The following TBC1D1 variants were observed in gnomAD, a reference collection of about 807,000 sequenced individuals.
TBC1D1 encodes TBC1 domain family member 1.
A neutral mutation model predicts 125.6 loss-of-function variants in TBC1D1; 89 were observed. The observed-to-expected ratio is 0.71, with a 90% CI of 0.60 to 0.85. The LOEUF is 0.85. Ranked by LOEUF, TBC1D1 falls within the 40% of genes least tolerant of loss-of-function variation. TBC1D1 has a pLI of 0.00. For synonymous variants in TBC1D1, 565 were observed against 564.1 expected (o/e 1.00, Z -0.02); for missense variants, 1,377 against 1,469.2 (o/e 0.94, Z 1.03).
In TBC1D1 at chr4:37,968,008, G is replaced by A. The variant is rs73810077; in HGVS notation, c.418-46501G>A. Reference sequence around the variant, plus strand: ...ACTGAGCTAAAAATAGAAAAACACCGATTCTATTTTTGGAATGTCTTACAA... The same window carrying A: ...ACTGAGCTAAAAATAGAAAAACACCAATTCTATTTTTGGAATGTCTTACAA... On this transcript the variant is annotated intron_variant, in intron 2 of 19. Transcript: ENST00000261439. 3.4e-3 allele frequency among the ~76,000 whole-genome samples: 516 copies of A among 152,304 alleles called. 2 individuals are homozygous for A. Among genetic ancestry groups the A allele is most frequent in the African/African-American group, 0.012 (492 of 41,558 alleles).
intron 2 of TBC1D1, among the ~76,000 whole-genome samples, chr4:37,936,897 T>C (rs10010758): frequency 0.33 from 49,626 of 152,028 alleles, 8,387 homozygotes; most frequent in African/African-American, 0.4. Flanking sequence ...AATGAACAAA[T>C]TGTAGGTCAG....
chr4:37,903,383 T>C (rs1716573552), intron 2 of TBC1D1, among the ~76,000 whole-genome samples: 1 of 152,200 alleles, frequency 6.6e-6, no homozygotes, highest in African/African-American at 2.4e-5. Flanking sequence ...ACTTTCTCAG[T>C]TGGGCTCAGG....
At chr4:37,892,215 C>T (rs1405578061) in intron 1 of TBC1D1, among the ~76,000 whole-genome samples, 1 of 152,176 alleles carries the variant, frequency 6.6e-6, no homozygotes, top group Non-Finnish European at 1.5e-5. Context: ...AAATAGGTCA[C>T]ACCCAAGAAA....
chr4:38,110,157 A>T, intron 15 of TBC1D1: 1 of 974,784 alleles, frequency 1.0e-6, no homozygotes, highest in Non-Finnish European at 1.2e-6. Flanking sequence ...CCGAGATATC[A>T]GGAGTCTCGC....
intron 2 of TBC1D1, among the ~76,000 whole-genome samples, chr4:37,910,022 G>A (rs1446018101): frequency 6.6e-6 from 1 of 152,198 alleles, no homozygotes; most frequent in East Asian, 1.9e-4. Flanking sequence ...ACACCAGATT[G>A]ATTACCTAAT....
chr4:38,072,399 C>T (rs1173811903), intron 12 of TBC1D1, among the ~76,000 whole-genome samples: 2 of 152,198 alleles, frequency 1.3e-5, no homozygotes, highest in African/African-American at 4.8e-5. Context: ...TCTGTTGCCT[C>T]ATTTTGGCCT....
chr4:38,075,606 T>G (rs1755456303), intron 12 of TBC1D1, among the ~76,000 whole-genome samples: 1 of 152,242 alleles, frequency 6.6e-6, no homozygotes, highest in Non-Finnish European at 1.5e-5. Flanking sequence ...TTCCTAATTT[T>G]TAAGTCATGG....
intron 14 of TBC1D1, 149 bp from the exon 17 acceptor site, chr4:38,102,850 C>T (rs1444558506): frequency 1.2e-6 from 1 of 828,906 alleles, no homozygotes; most frequent in Non-Finnish European, 1.8e-6. Context: ...CTCTGCACTG[C>T]AGCTCGGGTG....
At position 38,103,016 on chromosome 4, in the gene TBC1D1, C is replaced by T. The variant is rs781351109; in HGVS notation, c.2416C>T (p.Arg806Ter). Residue 806 changes from arginine to a stop codon, truncating the protein, a stop_gained, in exon 15 of 20, where the codon CGA (arginine) becomes TGA (stop). Transcript: ENST00000261439. LOFTEE classifies it high-confidence loss of function. ...TTTTAAAGGTGTGCCACGTCATCACCGAGGTGAAATCTGGAAATTTCTAGC... is the reference window on the plus strand; with the variant it reads ...TTTTAAAGGTGTGCCACGTCATCACTGAGGTGAAATCTGGAAATTTCTAGC... 9.3e-6 allele frequency: 15 copies of T among 1,613,830 alleles called. No homozygotes were observed. The highest frequency in any genetic ancestry group is 1.1e-5 in the South Asian group (1 of 91,034).
At chr4:37,984,072 C>T (rs1025777520) in intron 2 of TBC1D1, among the ~76,000 whole-genome samples, 1 of 151,930 alleles carries the variant, frequency 6.6e-6, no homozygotes, top group African/African-American at 2.4e-5. Context: ...TTTAAGTTTC[C>T]TGTGTGCTTT....
At chr4:37,930,933 T>G (rs1723129957) in intron 2 of TBC1D1, among the ~76,000 whole-genome samples, 1 of 152,226 alleles carries the variant, frequency 6.6e-6, no homozygotes, top group African/African-American at 2.4e-5. Context: ...TGGATTATAC[T>G]GTTAGTAATG....
chr4:38,014,723 G>GCCCCCCCCCCCC lies in TBC1D1; in HGVS notation c.637_638insCCCCCCCCCCCC (p.Pro212_Arg213insProProProPro). 3 of 1,600,218 alleles carry GCCCCCCCCCCCC rather than the reference G, an allele frequency of 1.9e-6. No individual in the cohort carries two copies. The highest frequency in any genetic ancestry group is 2.6e-6 in the Non-Finnish European group (3 of 1,169,366). On this transcript the variant is annotated inframe_insertion, in exon 3 of 20. Coordinates refer to ENST00000261439, the MANE Select transcript of TBC1D1 (RefSeq NM_015173.4). The surrounding 1 kb of genome is among the most constrained non-coding windows in gnomAD (Gnocchi z 5.1). ...GTCAGCGGCAGCCGGGGGTCCGAGA[G>GCCCCCCCCCCCC]CCCCCGCCCCAACCCGCCCCATGCC...
intron 7 of TBC1D1, among the ~76,000 whole-genome samples, chr4:38,029,977 T>G (rs977706430): frequency 2.6e-5 from 4 of 152,254 alleles, no homozygotes; most frequent in Non-Finnish European, 1.5e-5. Flanking sequence ...TGATTGTTAA[T>G]GCATTTACAA....
At chr4:38,115,664 C>G in intron 15 of TBC1D1, 46 bp from the exon 18 acceptor site, 2 of 1,568,922 alleles carry the variant, frequency 1.3e-6, no homozygotes, top group South Asian at 2.4e-5. Flanking sequence ...AATAGGCTTT[C>G]TTTTTTTGTT....
chr4:37,901,982 G>T (rs962731271), intron 1 of TBC1D1, 21 bp from the exon 2 acceptor site: 26 of 1,053,038 alleles, frequency 2.5e-5, no homozygotes, highest in Middle Eastern at 2.7e-4. Context: ...AAATTCTAAT[G>T]CCTCTGGTTT....
chr4:38,088,926 C>G (rs991162776), intron 12 of TBC1D1, among the ~76,000 whole-genome samples: 1 of 152,124 alleles, frequency 6.6e-6, no homozygotes, highest in Non-Finnish European at 1.5e-5. Context: ...TGAGATGATA[C>G]TTTATAATTT....
chr4:38,026,509 TG>T (rs1745113366), intron 6 of TBC1D1, among the ~76,000 whole-genome samples: 1 of 152,228 alleles, frequency 6.6e-6, no homozygotes, highest in Non-Finnish European at 1.5e-5. Context: ...GTGATGTAGG[TG>T]CCTCGCACAC....
chr4:38,133,075 C>G lies in TBC1D1; in HGVS notation c.3133-9C>G, dbSNP rs368698909. The G allele has an allele frequency of 6.2e-7, 1 of 1,606,424 alleles. No individual in the cohort carries two copies. Among genetic ancestry groups the G allele is most frequent in the African/African-American group, 1.3e-5 (1 of 74,492 alleles). ...TTTTAGTACGTGATGACTTTTCTTT[C>G]TATAACAGGTATTTGAAATGGACAT... On this transcript the variant is annotated splice_polypyrimidine_tract_variant and intron_variant, in intron 18 of 19. Transcript: ENST00000261439.
intron 2 of TBC1D1, chr4:37,961,158 G>C: frequency 9.2e-7 from 1 of 1,085,360 alleles, no homozygotes; most frequent in Non-Finnish European, 1.3e-6. Flanking sequence ...ATGTGCATCT[G>C]TCTCAGCTGT....
Sources: allele counts gnomAD v4.1 joint callset (sites outside exome capture counted in the v4.1 genomes callset), GRCh38; gene constraint gnomAD v4.1.1; non-coding constraint Gnocchi (gnomAD v3.1); transcripts MANE v1.5; gene names NCBI Gene and HGNC (gene_info 2026-07-23, HGNC 2026-07-21).